The following OPTN variants were observed in gnomAD, a reference collection of about 807,000 sequenced individuals.
The protein encoded by OPTN is optineurin.
Under a neutral mutation model 70.4 loss-of-function variants are expected in OPTN, and 54 were observed. That is an observed-to-expected ratio of 0.77 (90% CI 0.62 to 0.96). The LOEUF (loss-of-function observed/expected upper bound fraction) is 0.96. Ranked by LOEUF, OPTN falls within the 40% of genes least tolerant of loss-of-function variation. OPTN has a pLI of 0.00. For synonymous variants in OPTN, 256 were observed against 248.5 expected (o/e 1.03, Z -0.28); for missense variants, 624 against 673.2 (o/e 0.93, Z 0.81).
chr10:13,116,812 AG>A (rs574564665), intron 6 of OPTN, among the ~76,000 whole-genome samples: 56 of 152,302 alleles, frequency 3.7e-4, no homozygotes, highest in African/African-American at 1.3e-3. Context: ...TAGCACTCTC[AG>A]TCATTGTGGG....
chr10:13,123,811 A>AC (rs1369244281), intron 8 of OPTN, among the ~76,000 whole-genome samples, 184 bp from the exon 9 acceptor site: 1 of 152,208 alleles, frequency 6.6e-6, no homozygotes, highest in Non-Finnish European at 1.5e-5. Context: ...AACTTAGCAA[A>AC]CCTAAGTACC....
chr10:13,112,740 A>G, intron 5 of OPTN, 105 bp downstream of exon 5: 2 of 1,135,214 alleles, frequency 1.8e-6, no homozygotes, highest in South Asian at 2.6e-5. Context: ...AGGATTGAGG[A>G]AATTCCAGTG....
intron 9 of OPTN, 102 bp from the exon 10 acceptor site, chr10:13,125,316 G>GCCCTAAAAT: frequency 7.9e-7 from 1 of 1,268,038 alleles, no homozygotes; most frequent in South Asian, 1.2e-5. Flanking sequence ...AAACCCTACA[G>GCCCTAAAAT]CCCTAAAATT....
At chr10:13,112,714 T>G (rs1833035821) in intron 5 of OPTN, 79 bp downstream of exon 5, 4 of 1,383,126 alleles carry the variant, frequency 2.9e-6, no homozygotes, top group Non-Finnish European at 4.1e-6. Context: ...CCACTTTTTC[T>G]TGTCAACACA....
intron 12 of OPTN, among the ~76,000 whole-genome samples, chr10:13,128,606 G>A (rs1444481220): frequency 7.4e-6 from 1 of 134,986 alleles, no homozygotes; most frequent in African/African-American, 2.8e-5. Context: ...ACAGTGGTAT[G>A]ATCTCGGCTC....
At chr10:13,114,839 T>TAC (rs1833109289) in intron 5 of OPTN, among the ~76,000 whole-genome samples, 1 of 58,424 alleles carries the variant, frequency 1.7e-5, no homozygotes, top group Non-Finnish European at 3.3e-5. Flanking sequence ...ATTATATAAT[T>TAC]ATATAATTGT....
At chr10:13,130,223 GAGACCA>G (rs1328878992) in intron 12 of OPTN, among the ~76,000 whole-genome samples, 1 of 151,792 alleles carries the variant, frequency 6.6e-6, no homozygotes, top group Non-Finnish European at 1.5e-5. Context: ...TCAGGAGTTC[GAGACCA>G]ACCTGGCCAA....
At chr10:13,108,429 A>C (rs1206222378) in intron 2 of OPTN, 140 bp downstream of exon 2, 1 of 152,206 alleles carries the variant, frequency 6.6e-6, no homozygotes, top group East Asian at 1.9e-4. Context: ...TTTGAATTTG[A>C]AGATTTGCAT....
intron 11 of OPTN, among the ~76,000 whole-genome samples, chr10:13,126,362 G>C (rs1188101528): frequency 2.7e-5 from 4 of 149,342 alleles, no homozygotes; most frequent in African/African-American, 1.0e-4. Flanking sequence ...CTCACTGCAA[G>C]CTCCGCCTCC....
chr10:13,109,355 C>T (rs1832943129), intron 3 of OPTN, 67 bp downstream of exon 3: 2 of 1,528,376 alleles, frequency 1.3e-6, no homozygotes, highest in Admixed American at 1.7e-5. Flanking sequence ...TCCCTTTGCA[C>T]TAAGGCTTGG....
chr10:13,103,832 T>TA (rs1832803125), intron 1 of OPTN, among the ~76,000 whole-genome samples: 2 of 152,172 alleles, frequency 1.3e-5, no homozygotes, highest in Admixed American at 1.3e-4. Context: ...GCCATCCATC[T>TA]ACTAGGCAGT....
chr10:13,124,406 G>C lies in OPTN; in HGVS notation c.998+296G>C, dbSNP rs76703280. On this transcript the variant is annotated intron_variant, in intron 9 of 14. Coordinates refer to ENST00000378747, the MANE Select transcript of OPTN (RefSeq NM_001008212.2). ...GCTGTGAGCTAGTTTTCCTGTTACT[G>C]ACTTAAGCTGATGACATTGATGTGA... Among the ~76,000 whole-genome samples the C allele has an allele frequency of 0.03, 4,637 of 152,232 alleles. 254 individuals are homozygous for C. Among genetic ancestry groups the C allele is most frequent in the African/African-American group, 0.11 (4,417 of 41,520 alleles).
rs527323152 is a variant in OPTN at position 13,121,428 on chromosome 10, C to T, written c.780-957C>T. Reference sequence around the variant, plus strand: ...ATTGCTATCTCCAGGATTGTGTCATCGCAGAGATAGTCTTGCTGCTTCTTT... The same window carrying T: ...ATTGCTATCTCCAGGATTGTGTCATTGCAGAGATAGTCTTGCTGCTTCTTT... On this transcript the variant is annotated intron_variant, in intron 7 of 14. Transcript: ENST00000378747. Among the ~76,000 whole-genome samples the T allele has an allele frequency of 6.2e-5, 9 of 145,716 alleles. No homozygotes were observed. In the East Asian group the frequency reaches 1.0e-3, roughly 16 times the overall value.
At chr10:13,119,829 C>A (rs777476881) in intron 7 of OPTN, among the ~76,000 whole-genome samples, 5 of 152,100 alleles carry the variant, frequency 3.3e-5, no homozygotes, top group African/African-American at 1.2e-4. Flanking sequence ...TTCATGTTGA[C>A]CGTTTGTTTG....
chr10:13,125,308 A>T, intron 9 of OPTN, 110 bp from the exon 10 acceptor site: 1 of 1,198,616 alleles, frequency 8.3e-7, no homozygotes, highest in Non-Finnish European at 1.2e-6. Flanking sequence ...GCATTCATAA[A>T]CCCTACAGCC....
At chr10:13,117,813 A>T (rs890283419) in intron 6 of OPTN, among the ~76,000 whole-genome samples, 2 of 152,236 alleles carry the variant, frequency 1.3e-5, no homozygotes, top group African/African-American at 4.8e-5. Context: ...GACTTACAAA[A>T]CGTGAAAAAA....
At chr10:13,116,599 G>C (rs1414736685) in intron 6 of OPTN, 1 of 532,706 alleles carries the variant, frequency 1.9e-6, no homozygotes, top group African/African-American at 1.9e-5. Flanking sequence ...CAGATGAAAA[G>C]TGAAAGCAAA....
rs180955172 is a variant in OPTN, at chr10:13,111,081, A to G, written c.369+605A>G. ...GATAGTAATGACACAACCCAGAACAAGTTTGAAATCCCCACTGGGCGTGGT... is the reference window on the plus strand; with the variant it reads ...GATAGTAATGACACAACCCAGAACAGGTTTGAAATCCCCACTGGGCGTGGT... On this transcript the variant is annotated intron_variant, in intron 4 of 14. Transcript: ENST00000378747. Among the ~76,000 whole-genome samples the G allele has an allele frequency of 8.5e-5, 13 of 152,290 alleles. No individual in the cohort carries two copies. The East Asian group carries it at 2.5e-3, about 29-fold the overall frequency.
chr10:13,109,064 T>A, intron 2 of OPTN, 48 bp from the exon 3 acceptor site: 1 of 1,582,078 alleles, frequency 6.3e-7, no homozygotes, highest in Non-Finnish European at 8.7e-7. Context: ...CGGGGACCCC[T>A]TGTGGGGCGG....
Sources: gnomAD v4.1 joint callset for allele counts (sites outside exome capture counted in the v4.1 genomes callset) on GRCh38, gnomAD v4.1.1 for gene constraint, MANE v1.5 for transcripts, NCBI Gene and HGNC (gene_info 2026-07-23, HGNC 2026-07-21) for gene names.